Variants in PRAMEF15 observed in about 807,000 individuals in gnomAD.
PRAMEF15 encodes PRAME family member 15.
In PRAMEF15, 21 loss-of-function variants were observed where a neutral mutation model predicts 35.3. The ratio of observed to expected loss-of-function variants is 0.59; its 90% CI spans 0.42 to 0.86. PRAMEF15 has a LOEUF of 0.86. Ranked by LOEUF, PRAMEF15 falls within the 40% of genes least tolerant of loss-of-function variation. The pLI, the probability that PRAMEF15 is intolerant of heterozygous loss-of-function variation, is 0.00. For synonymous variants in PRAMEF15, 122 were observed against 223.3 expected (o/e 0.55, Z 4.05); for missense variants, 360 against 574.1 (o/e 0.63, Z 3.81).
At chr1:13,317,759 G>C (rs1553167045) in intron 1 of PRAMEF15, among the ~76,000 whole-genome samples, 92 of 148,166 alleles carry the variant, frequency 6.2e-4, no homozygotes, top group African/African-American at 1.7e-3. Flanking sequence ...CTGGGTGACA[G>C]AGCAAGACTC....
intron 1 of PRAMEF15, among the ~76,000 whole-genome samples, chr1:13,316,251 G>T (rs1425497438): frequency 6.6e-6 from 1 of 151,542 alleles, no homozygotes; most frequent in East Asian, 2.0e-4. Context: ...TGATCCACCT[G>T]CCTTGGCCTC....
intron 3 of PRAMEF15, 87 bp downstream of exon 3, chr1:13,320,040 A>G (rs1416041739): frequency 2.2e-5 from 36 of 1,603,042 alleles, no homozygotes; most frequent in Non-Finnish European, 2.9e-5. Context: ...GAGCCAGCCT[A>G]TGAGGATGAA....
intron 2 of PRAMEF15, among the ~76,000 whole-genome samples, chr1:13,319,092 G>T (rs1449015668): frequency 1.3e-5 from 2 of 151,854 alleles, no homozygotes; most frequent in Middle Eastern, 6.8e-3. Flanking sequence ...TACTTGTGAG[G>T]TTGAGGCAGG....
rs1349936734 is a variant in PRAMEF15 at position 13,320,772 on chromosome 1, G to T, written c.875+819G>T. On this transcript the variant is annotated intron_variant, in intron 3 of 3. Coordinates refer to ENST00000376152, the MANE Select transcript of PRAMEF15 (RefSeq NM_001098376.3). ...GATGGGAAGTAGGGAAGTGAAGTGG[G>T]CACTGAAGAGGGGAATGCTCAGCAA... Among the ~76,000 whole-genome samples, 481 of 152,154 alleles carry T rather than the reference G, an allele frequency of 3.2e-3. 3 individuals are homozygous for T. The highest frequency in any genetic ancestry group is 5.1e-3 in the Non-Finnish European group (348 of 68,002).
chr1:13,321,505 G>A (rs1469296147), intron 3 of PRAMEF15, among the ~76,000 whole-genome samples, 198 bp from the exon 4 acceptor site: 1 of 151,822 alleles, frequency 6.6e-6, no homozygotes, highest in Non-Finnish European at 1.5e-5. Context: ...GTGAGTTACT[G>A]GGCCGGGTCT....
intron 2 of PRAMEF15, among the ~76,000 whole-genome samples, chr1:13,318,975 G>A (rs1640043245): frequency 1.3e-5 from 2 of 151,954 alleles, no homozygotes; most frequent in Non-Finnish European, 2.9e-5. Context: ...CACATTGGGA[G>A]GCTGAGGTCA....
rs1320631163 is a variant in PRAMEF15, at chr1:13,316,348, A to C, written c.-17+690A>C. ...GCTGGTGTGGGAGAATCACTTGAGC[A>C]CAGAAGATTGAGGCTGCAGTGAGCC... On this transcript the variant is annotated intron_variant, in intron 1 of 3. Transcript: ENST00000376152. Among the ~76,000 whole-genome samples, 48 of 149,100 alleles carry C rather than the reference A, an allele frequency of 3.2e-4. 1 individual carries two copies. The highest frequency in any genetic ancestry group is 1.3e-3 in the East Asian group (6 of 4,734).
chr1:13,318,699 AG>A lies in PRAMEF15; in HGVS notation c.293+1del, dbSNP rs1640039329. ...DALLTQGVRPRRWKLQVLDLQ... is the reference protein window; with the variant it reads ...DALLTQGVRPXRWKLQVLDLQ... ...ACTGCTTACCCAAGGGGTTCGTCCC[AG>A]GTGAGGTGGCCCAGGTGGGCTGGTG... On this transcript the variant is annotated frameshift_variant and splice_region_variant, in exon 2 of 4. Transcript: ENST00000376152. LOFTEE classifies it high-confidence loss of function. 6.2e-7 allele frequency: 1 copy of A among 1,613,508 alleles called. No homozygotes were observed. Among genetic ancestry groups the A allele is most frequent in the African/African-American group, 1.3e-5 (1 of 74,904 alleles).
Position 13,319,076 on chromosome 1 carries a change from C to G in PRAMEF15, c.294-296C>G, listed in dbSNP as rs1460660577. 5.1e-4 allele frequency among the ~76,000 whole-genome samples: 78 copies of G among 151,974 alleles called. 1 individual carries two copies. The highest frequency in any genetic ancestry group is 1.8e-3 in the African/African-American group (75 of 41,446). ...GGGCATGGTGGTGGGTTCCTGTAATCCCAGCTACTTGTGAGGTTGAGGCAG... is the reference window on the plus strand; with the variant it reads ...GGGCATGGTGGTGGGTTCCTGTAATGCCAGCTACTTGTGAGGTTGAGGCAG... On this transcript the variant is annotated intron_variant, in intron 2 of 3. Coordinates refer to ENST00000376152, the MANE Select transcript of PRAMEF15 (RefSeq NM_001098376.3).
intron 1 of PRAMEF15, 113 bp downstream of exon 1, chr1:13,315,771 T>G (rs1201067295): frequency 6.6e-6 from 1 of 151,236 alleles, no homozygotes; most frequent in Non-Finnish European, 1.5e-5. Flanking sequence ...CTTTTTTTTT[T>G]TTTTTATATG....
At chr1:13,320,789 G>A (rs1268720572) in intron 3 of PRAMEF15, among the ~76,000 whole-genome samples, 1 of 152,138 alleles carries the variant, frequency 6.6e-6, no homozygotes, top group African/African-American at 2.4e-5. Flanking sequence ...AGAGGGGAAT[G>A]CTCAGCAAAC....
At chr1:13,317,388 C>A (rs1380102176) in intron 1 of PRAMEF15, among the ~76,000 whole-genome samples, 1 of 151,726 alleles carries the variant, frequency 6.6e-6, no homozygotes, top group Non-Finnish European at 1.5e-5. Flanking sequence ...TCAGTTTGAA[C>A]ATGTGTAACA....
At chr1:13,321,555 C>T (rs1295370139) in intron 3 of PRAMEF15, 148 bp from the exon 4 acceptor site, 3 of 1,427,036 alleles carry the variant, frequency 2.1e-6, no homozygotes, top group Non-Finnish European at 1.9e-6. Context: ...CTTCATCACG[C>T]ATCATCCTAA....
intron 3 of PRAMEF15, 80 bp downstream of exon 3, chr1:13,320,033 C>G: frequency 6.2e-7 from 1 of 1,604,530 alleles, no homozygotes; most frequent in Non-Finnish European, 8.5e-7. Context: ...CTACTGTGAG[C>G]CAGCCTATGA....
At position 13,321,999 on chromosome 1, in the gene PRAMEF15, C is replaced by G. The variant is rs1485250520; in HGVS notation, c.1172C>G (p.Pro391Arg). ...ELNTFSFCGN[P>R]ICMATLENLL... is the part of the protein sequence containing the mutation. ...AACACCTTCAGCTTCTGTGGAAATC[C>G]CATCTGCATGGCCACCCTGGAGAAC... Residue 391 changes from proline to arginine, a missense_variant, in exon 4 of 4, where the codon CCC becomes CGC. By Grantham distance (103) the Pro-to-Arg change is moderately radical. Transcript: ENST00000376152. 4 of 1,609,504 alleles carry G rather than the reference C, an allele frequency of 2.5e-6. No homozygotes were observed. Among genetic ancestry groups the G allele is most frequent in the Non-Finnish European group, 3.4e-6 (4 of 1,178,698 alleles).
In PRAMEF15 at chr1:13,316,910, T is replaced by C. The variant is rs1259232854; in HGVS notation, c.-17+1252T>C. 1.0e-4 allele frequency among the ~76,000 whole-genome samples: 15 copies of C among 150,336 alleles called. 1 individual carries two copies. The highest frequency in any genetic ancestry group is 6.8e-3 in the Middle Eastern group (2 of 294). On this transcript the variant is annotated intron_variant, in intron 1 of 3. Coordinates refer to ENST00000376152, the MANE Select transcript of PRAMEF15 (RefSeq NM_001098376.3). ...TTTGAAGGACACATATTAGTAAAAC[T>C]CCATGTTTGTGAAGGGAATCAGTGA...
rs1249932906 is a variant in PRAMEF15, at chr1:13,322,327, T to G, written c.*63T>G. 2.0e-6 allele frequency: 2 copies of G among 996,194 alleles called. No individual in the cohort carries two copies. Among genetic ancestry groups the G allele is most frequent in the African/African-American group, 3.4e-5 (2 of 59,486 alleles). 61.7% of individuals were successfully genotyped at this position (996,194 alleles called of 1,614,324 possible). On this transcript the variant is annotated 3_prime_UTR_variant, in exon 4 of 4. Transcript: ENST00000376152. The stretch of plus-strand genomic sequence containing the variant: ...TTCTGGACACTTGGAAACTAAAACC[T>G]AGGTCTTAGGTACATCCTAAAGGGA...
chr1:13,317,626 G>C (rs1448017555), intron 1 of PRAMEF15, among the ~76,000 whole-genome samples: 1 of 151,838 alleles, frequency 6.6e-6, no homozygotes, highest in Non-Finnish European at 1.5e-5. Flanking sequence ...AAAAATAGAA[G>C]ATGAGCTGGG....
intron 1 of PRAMEF15, among the ~76,000 whole-genome samples, chr1:13,316,637 G>T (rs1344812684): frequency 6.6e-6 from 1 of 151,978 alleles, no homozygotes; most frequent in African/African-American, 2.4e-5. Context: ...CTTGGGCGAC[G>T]ATGTGAGACT....
Sources: gnomAD v4.1 joint callset for allele counts (sites outside exome capture counted in the v4.1 genomes callset) on GRCh38, gnomAD v4.1.1 for gene constraint, MANE v1.5 for transcripts, NCBI Gene and HGNC (gene_info 2026-07-23, HGNC 2026-07-21) for gene names.